Variants in AFTPH observed in about 807,000 individuals in gnomAD.
The protein encoded by AFTPH is aftiphilin protein.
AFTPH carries 7 observed loss-of-function variants against 72.5 expected under a neutral mutation model. The ratio of observed to expected loss-of-function variants is 0.10; its 90% CI spans 0.05 to 0.18. The LOEUF (loss-of-function observed/expected upper bound fraction) is 0.18. AFTPH is among the 10% of genes least tolerant of loss of function. The pLI is 1.00. For missense variants in AFTPH, 979 were observed against 1,060.5 expected (o/e 0.92, Z 1.07); for synonymous variants, 337 against 370.1 (o/e 0.91, Z 1.03).
intron 8 of AFTPH, among the ~76,000 whole-genome samples, chr2:64,587,351 A>C (rs532951795): frequency 6.6e-6 from 1 of 152,336 alleles, no homozygotes; most frequent in East Asian, 1.9e-4. Flanking sequence ...GTTTTGAGAA[A>C]TGTCATTTGA....
intron 1 of AFTPH, among the ~76,000 whole-genome samples, chr2:64,528,279 C>T (rs1360942421): frequency 6.6e-6 from 1 of 152,178 alleles, no homozygotes; most frequent in Non-Finnish European, 1.5e-5. Flanking sequence ...ATGTTATCTT[C>T]TTCCTTTCAT....
intron 2 of AFTPH, among the ~76,000 whole-genome samples, chr2:64,565,474 CAAA>C (rs11447048): frequency 6.8e-5 from 6 of 88,172 alleles, no homozygotes; most frequent in Admixed American, 1.3e-4. Context: ...GACTCTATCT[CAAA>C]AAAAAAAAAA....
chr2:64,527,209 A>C (rs1301171284), intron 1 of AFTPH, among the ~76,000 whole-genome samples: 8 of 152,192 alleles, frequency 5.3e-5, no homozygotes, highest in Admixed American at 1.3e-4. Context: ...GATTTAACAC[A>C]CCTGGGTGAT....
intron 2 of AFTPH, among the ~76,000 whole-genome samples, chr2:64,565,114 C>T: frequency 6.6e-6 from 1 of 152,000 alleles, no homozygotes; most frequent in East Asian, 1.9e-4. Context: ...GCTGGGATTA[C>T]AGGCGTGAGA....
At chr2:64,526,862 A>G (rs1346785406) in intron 1 of AFTPH, among the ~76,000 whole-genome samples, 4 of 152,262 alleles carry the variant, frequency 2.6e-5, no homozygotes, top group Non-Finnish European at 5.9e-5. Flanking sequence ...ACAACCTGTA[A>G]GGCAGTAAGT....
At chr2:64,570,105 T>G (rs1393017466) in intron 5 of AFTPH, among the ~76,000 whole-genome samples, 1 of 152,186 alleles carries the variant, frequency 6.6e-6, no homozygotes, top group Non-Finnish European at 1.5e-5. Context: ...TATAATGAAA[T>G]GAAAATGAGC....
intron 2 of AFTPH, among the ~76,000 whole-genome samples, chr2:64,564,456 A>C (rs1487205811): frequency 1.3e-5 from 2 of 152,080 alleles, no homozygotes; most frequent in Non-Finnish European, 2.9e-5. Context: ...CAGATTATAA[A>C]TGCAGAAACT....
intron 2 of AFTPH, among the ~76,000 whole-genome samples, chr2:64,566,395 T>C (rs1243461063): frequency 6.6e-6 from 1 of 152,186 alleles, no homozygotes; most frequent in East Asian, 1.9e-4. Context: ...CAAAAGAGAT[T>C]TGGGTTCAGA....
intron 1 of AFTPH, among the ~76,000 whole-genome samples, chr2:64,545,956 G>A (rs147579755): frequency 0.012 from 1,749 of 152,022 alleles, 33 homozygotes; most frequent in African/African-American, 0.04. Context: ...GCAGTGGCAC[G>A]ATCTCGTCTC....
intron 6 of AFTPH, among the ~76,000 whole-genome samples, chr2:64,573,771 C>T (rs1672598679): frequency 1.3e-5 from 2 of 152,074 alleles, no homozygotes; most frequent in African/African-American, 4.8e-5. Flanking sequence ...GATTCTCCTG[C>T]CTCAGCCTCC....
At chr2:64,530,024 C>T (rs954363129) in intron 1 of AFTPH, among the ~76,000 whole-genome samples, 6 of 151,974 alleles carry the variant, frequency 3.9e-5, no homozygotes, top group Admixed American at 6.6e-5. Context: ...GGCATGGTGG[C>T]GGCCGCCTGT....
intron 8 of AFTPH, among the ~76,000 whole-genome samples, chr2:64,591,169 T>C (rs1208839248): frequency 6.6e-6 from 1 of 152,230 alleles, no homozygotes; most frequent in Non-Finnish European, 1.5e-5. Flanking sequence ...CTTGTCTGTG[T>C]TAGGCACCAA....
chr2:64,572,142 C>T (rs950919088), intron 5 of AFTPH, among the ~76,000 whole-genome samples: 20 of 150,976 alleles, frequency 1.3e-4, no homozygotes, highest in Admixed American at 2.0e-4. Flanking sequence ...ATCGCTTGAA[C>T]CTGGTGGGTA....
At chr2:64,548,517 T>G (rs1435651029) in intron 1 of AFTPH, among the ~76,000 whole-genome samples, 2 of 151,392 alleles carry the variant, frequency 1.3e-5, no homozygotes, top group African/African-American at 2.4e-5. Context: ...AAATAATCCC[T>G]TTGCAGCATT....
At position 64,579,401 on chromosome 2, in the gene AFTPH, C is replaced by T. The variant is rs1177455228; in HGVS notation, c.2395-85C>T. On this transcript the variant is annotated intron_variant, in intron 6 of 8. Coordinates refer to ENST00000238856, the Ensembl canonical transcript of AFTPH. ...TTTAGGTACTTTGTTGCCTAATGGT[C>T]TTGCTATAATTTTTTTTTTTAAGGA... 6 of 1,054,418 alleles carry T rather than the reference C, an allele frequency of 5.7e-6. No individual in the cohort carries two copies. The East Asian group carries it at 1.5e-4, about 26-fold the overall frequency. 65.3% of individuals were successfully genotyped at this position (1,054,418 alleles called of 1,614,324 possible).
At chr2:64,558,506 A>G (rs1671526612) in intron 2 of AFTPH, among the ~76,000 whole-genome samples, 1 of 152,234 alleles carries the variant, frequency 6.6e-6, no homozygotes, top group Non-Finnish European at 1.5e-5. Flanking sequence ...TACAAAGAAC[A>G]AGAAACATAA....
At chr2:64,537,453 AAAG>A (rs1375326688) in intron 1 of AFTPH, among the ~76,000 whole-genome samples, 6 of 152,250 alleles carry the variant, frequency 3.9e-5, no homozygotes, top group African/African-American at 1.4e-4. Flanking sequence ...AAAATTTTAA[AAAG>A]AATTCATTAA....
At chr2:64,592,560 T>C (rs1280946232) in exon 9 of AFTPH, 1 of 152,864 alleles carries the variant, frequency 6.5e-6, no homozygotes, top group Admixed American at 6.5e-5. Flanking sequence ...GCTTTTTTAA[T>C]CTTTTCAATC....
chr2:64,538,548 T>C (rs1670013832), intron 1 of AFTPH, among the ~76,000 whole-genome samples: 1 of 152,220 alleles, frequency 6.6e-6, no homozygotes, highest in South Asian at 2.1e-4. Flanking sequence ...CTGAAAAATA[T>C]CATGTGTGCT....
Sources: allele counts gnomAD v4.1 joint callset (sites outside exome capture counted in the v4.1 genomes callset), GRCh38; gene constraint gnomAD v4.1.1; transcripts MANE v1.5; gene names NCBI Gene and HGNC (gene_info 2026-07-23, HGNC 2026-07-21).